LCLAT1: variants seen among roughly 807,000 people sequenced by gnomAD.
LCLAT1 encodes the protein 1-AGP acyltransferase 8.
A neutral mutation model predicts 30.7 loss-of-function variants in LCLAT1; 11 were observed. The ratio of observed to expected loss-of-function variants is 0.36; its 90% CI spans 0.23 to 0.59. The LOEUF is 0.59. Among genes scored for constraint, LCLAT1 ranks in the 20% least tolerant of loss-of-function variants. The pLI, the probability that LCLAT1 is intolerant of heterozygous loss-of-function variation, is 0.77. For synonymous variants in LCLAT1, 155 were observed against 151.3 expected (o/e 1.02, Z -0.18); for missense variants, 402 against 458.6 (o/e 0.88, Z 1.13).
intron 5 of LCLAT1, among the ~76,000 whole-genome samples, chr2:30,611,781 C>T (rs1050754082): frequency 5.9e-5 from 9 of 152,150 alleles, no homozygotes; most frequent in Admixed American, 4.6e-4. Context: ...GCTTAGCAGA[C>T]CACTTGAACT....
intron 1 of LCLAT1, among the ~76,000 whole-genome samples, chr2:30,465,244 A>C (rs1044642564): frequency 6.6e-6 from 1 of 152,172 alleles, no homozygotes; most frequent in African/African-American, 2.4e-5. Context: ...GATTATACGT[A>C]CACAGAGGAG....
chr2:30,534,346 C>T (rs1359981098), intron 3 of LCLAT1, among the ~76,000 whole-genome samples: 2 of 151,626 alleles, frequency 1.3e-5, no homozygotes, highest in African/African-American at 4.8e-5. Context: ...CTGCAAGCTC[C>T]GGCTCACTGC....
chr2:30,524,407 A>G (rs916747858), intron 1 of LCLAT1, among the ~76,000 whole-genome samples: 3 of 152,234 alleles, frequency 2.0e-5, no homozygotes, highest in African/African-American at 7.2e-5. Context: ...GTACTCTGCT[A>G]ACTTGTCATT....
chr2:30,459,939 G>T (rs117111265), intron 1 of LCLAT1, among the ~76,000 whole-genome samples: 1 of 152,136 alleles, frequency 6.6e-6, no homozygotes, highest in Non-Finnish European at 1.5e-5. Context: ...ACACATTTCT[G>T]TGAAAGAACA....
Position 30,485,821 on chromosome 2 carries a change from T to C in LCLAT1, c.-5+38438T>C, listed in dbSNP as rs182702637. On this transcript the variant is annotated intron_variant, in intron 1 of 5. Coordinates refer to ENST00000379509, the MANE Select transcript of LCLAT1 (RefSeq NM_001002257.3). ...TATAGGAACATTTGGATTAATGCTA[T>C]AGCAGATTGTTTTTTAGCATGCTAA... 2.5e-3 allele frequency among the ~76,000 whole-genome samples: 386 copies of C among 152,314 alleles called. 2 individuals carry two copies. Among genetic ancestry groups the C allele is most frequent in the Non-Finnish European group, 3.7e-3 (250 of 68,002 alleles).
At chr2:30,478,128 C>T (rs917706051) in intron 1 of LCLAT1, among the ~76,000 whole-genome samples, 2 of 150,556 alleles carry the variant, frequency 1.3e-5, no homozygotes, top group Non-Finnish European at 2.9e-5. Flanking sequence ...AACTGGGCCT[C>T]CCACAGTTTA....
chr2:30,494,663 C>T (rs1684012501), intron 1 of LCLAT1, among the ~76,000 whole-genome samples: 1 of 150,908 alleles, frequency 6.6e-6, no homozygotes, highest in Non-Finnish European at 1.5e-5. Flanking sequence ...CTATAGTAGG[C>T]ATTCTTTTAC....
intron 2 of LCLAT1, among the ~76,000 whole-genome samples, chr2:30,528,696 C>T (rs1685849884): frequency 6.6e-6 from 1 of 152,140 alleles, no homozygotes; most frequent in South Asian, 2.1e-4. Context: ...CTATTCCTAA[C>T]TTTTGTCTTA....
chr2:30,482,068 T>C (rs1214037213), intron 1 of LCLAT1, among the ~76,000 whole-genome samples: 1 of 152,198 alleles, frequency 6.6e-6, no homozygotes, highest in Non-Finnish European at 1.5e-5. Context: ...TTATTTACCT[T>C]TTCAGGGAAG....
chr2:30,548,986 G>T (rs1445044302), intron 3 of LCLAT1, among the ~76,000 whole-genome samples: 1 of 152,180 alleles, frequency 6.6e-6, no homozygotes, highest in Non-Finnish European at 1.5e-5. Context: ...GAAAAGAAAG[G>T]TTCAATTCAT....
intron 3 of LCLAT1, among the ~76,000 whole-genome samples, chr2:30,539,961 A>G (rs1314057109): frequency 6.6e-6 from 1 of 152,240 alleles, no homozygotes; most frequent in Non-Finnish European, 1.5e-5. Context: ...GTTTAGTTCT[A>G]GAGTCAAGGC....
chr2:30,487,079 C>A (rs1683592421), intron 1 of LCLAT1, among the ~76,000 whole-genome samples: 1 of 152,076 alleles, frequency 6.6e-6, no homozygotes, highest in Non-Finnish European at 1.5e-5. Flanking sequence ...TTTTAAGAAA[C>A]AAAAACAAAG....
chr2:30,540,372 T>G (rs1470946476), intron 3 of LCLAT1, among the ~76,000 whole-genome samples: 1 of 152,214 alleles, frequency 6.6e-6, no homozygotes, highest in Non-Finnish European at 1.5e-5. Context: ...CATCCACTGT[T>G]TAAATTTTTC....
At chr2:30,593,876 T>G (rs115679834) in intron 5 of LCLAT1, among the ~76,000 whole-genome samples, 1,976 of 151,100 alleles carry the variant, frequency 0.013, 44 homozygotes, top group African/African-American at 0.044. Context: ...TGAGCTGTGA[T>G]TGCACCACTG....
intron 1 of LCLAT1, among the ~76,000 whole-genome samples, chr2:30,496,800 A>G (rs1055925471): frequency 2.0e-5 from 3 of 152,226 alleles, no homozygotes; most frequent in African/African-American, 7.2e-5. Context: ...CTGCCCAGGG[A>G]TGCGGGATAC....
intron 1 of LCLAT1, among the ~76,000 whole-genome samples, chr2:30,499,475 C>T (rs1166703789): frequency 6.6e-6 from 1 of 152,210 alleles, no homozygotes; most frequent in African/African-American, 2.4e-5. Context: ...AGCCACTGCG[C>T]CCAGCCTACT....
At chr2:30,466,485 G>A (rs1206612321) in intron 1 of LCLAT1, among the ~76,000 whole-genome samples, 1 of 151,824 alleles carries the variant, frequency 6.6e-6, no homozygotes, top group African/African-American at 2.4e-5. Context: ...TTAAAAATTT[G>A]ACTGCTTGAT....
At chr2:30,501,092 G>GTA in intron 1 of LCLAT1, among the ~76,000 whole-genome samples, 1 of 141,372 alleles carries the variant, frequency 7.1e-6, no homozygotes, top group Non-Finnish European at 1.5e-5. Context: ...GTGTGTGTGT[G>GTA]TGTGTATGTG....
At chr2:30,575,760 T>G (rs1665968994) in intron 5 of LCLAT1, among the ~76,000 whole-genome samples, 2 of 152,152 alleles carry the variant, frequency 1.3e-5, no homozygotes, top group Non-Finnish European at 2.9e-5. Context: ...TATGGAAATG[T>G]GGTTCTTAAT....
Sources: gnomAD v4.1 joint callset for allele counts (sites outside exome capture counted in the v4.1 genomes callset) on GRCh38, gnomAD v4.1.1 for gene constraint, MANE v1.5 for transcripts, NCBI Gene and HGNC (gene_info 2026-07-23, HGNC 2026-07-21) for gene names.